LRP2: variants seen among roughly 807,000 people sequenced by gnomAD.
The protein encoded by LRP2 is LDL receptor related protein 2, also known as low-density lipoprotein receptor-related protein 2.
A neutral mutation model predicts 531.0 loss-of-function variants in LRP2; 172 were observed. The ratio of observed to expected loss-of-function variants is 0.32; its 90% CI spans 0.29 to 0.37. The LOEUF (loss-of-function observed/expected upper bound fraction) is 0.37. LRP2 is among the 10% of genes least tolerant of loss of function. The pLI is 1.00. For synonymous variants in LRP2, 1,992 were observed against 2,027.6 expected, an observed-to-expected ratio of 0.98 and a Z score of 0.47; for missense variants, 5,167 against 5,868.3, an observed-to-expected ratio of 0.88 and a Z score of 3.90.
At chr2:169,168,450 T>G in intron 61 of LRP2, 89 bp downstream of exon 61, 2 of 1,511,280 alleles carry the variant, frequency 1.3e-6, no homozygotes, top group Non-Finnish European at 1.8e-6. Flanking sequence ...ATTGTACAAC[T>G]GCTCTCCAGG....
intron 28 of LRP2, 137 bp from the exon 29 acceptor site, chr2:169,236,205 T>C: frequency 1.3e-6 from 1 of 744,202 alleles, no homozygotes; most frequent in Non-Finnish European, 2.3e-6. Flanking sequence ...ATTCACAGAG[T>C]TTATTGTTTC....
chr2:169,220,337 A>G, intron 34 of LRP2, 117 bp downstream of exon 34: 1 of 764,344 alleles, frequency 1.3e-6, no homozygotes, highest in Non-Finnish European at 2.3e-6. Context: ...TTATTTTTCA[A>G]ATGTTGACAT....
chr2:169,308,183 G>C (rs2673169), intron 3 of LRP2, among the ~76,000 whole-genome samples: 47,408 of 151,756 alleles, frequency 0.31, 8,225 homozygotes, highest in African/African-American at 0.47. Context: ...AAAAAGATTT[G>C]CTCTCAATTT....
chr2:169,232,612 T>C (rs1689450311), intron 30 of LRP2, among the ~76,000 whole-genome samples: 1 of 152,118 alleles, frequency 6.6e-6, no homozygotes, highest in Non-Finnish European at 1.5e-5. Flanking sequence ...GTGGCTATTT[T>C]AGGTAGAGCG....
intron 76 of LRP2, among the ~76,000 whole-genome samples, chr2:169,132,993 G>C (rs536318105): frequency 6.6e-6 from 1 of 152,212 alleles, no homozygotes; most frequent in South Asian, 2.1e-4. Flanking sequence ...TACTCCCACT[G>C]TTGACCAAAT....
At chr2:169,356,452 G>A (rs534915549) in intron 1 of LRP2, among the ~76,000 whole-genome samples, 13 of 152,310 alleles carry the variant, frequency 8.5e-5, no homozygotes, top group Non-Finnish European at 1.3e-4. Context: ...ATCTATATGA[G>A]ACTTCACAGT....
intron 12 of LRP2, 62 bp from the exon 13 acceptor site, chr2:169,278,013 T>C (rs779673210): frequency 3.7e-6 from 5 of 1,366,138 alleles, no homozygotes; most frequent in Non-Finnish European, 5.2e-6. Flanking sequence ...TGGGAATTTT[T>C]TTTAACAGTG....
chr2:169,316,879 G>A lies in LRP2; in HGVS notation c.310+1883C>T, dbSNP rs932497646. ...ACCAAAGCAGCTCAAAAGAGAGCCA[G>A]GACTGCTGGGAGTCATGGCAGCCAA... On this transcript the variant is annotated intron_variant, in intron 3 of 78. Coordinates refer to ENST00000649046, the MANE Select transcript of LRP2 (RefSeq NM_004525.3). Among the ~76,000 whole-genome samples the A allele has an allele frequency of 1.9e-4, 29 of 152,234 alleles. 1 individual carries two copies. Among genetic ancestry groups the A allele is most frequent in the South Asian group, 1.2e-3 (6 of 4,828 alleles).
intron 33 of LRP2, among the ~76,000 whole-genome samples, chr2:169,224,209 G>A (rs1689119621): frequency 6.6e-6 from 1 of 152,210 alleles, no homozygotes; most frequent in Admixed American, 6.5e-5. Flanking sequence ...AAACCGTCTT[G>A]CCAGCTGGTG....
At chr2:169,318,953 T>C (rs1191033785) in intron 2 of LRP2, 69 bp from the exon 3 acceptor site, 2 of 1,588,938 alleles carry the variant, frequency 1.3e-6, no homozygotes, top group Non-Finnish European at 1.7e-6. Context: ...GCAATGCTTG[T>C]TCCAGAAGAG....
chr2:169,293,622 C>T (rs1684058594), intron 6 of LRP2, among the ~76,000 whole-genome samples: 2 of 152,140 alleles, frequency 1.3e-5, no homozygotes, highest in Non-Finnish European at 2.9e-5. Flanking sequence ...TGGCAGTAAG[C>T]CGAGATCGCG....
chr2:169,221,979 A>G (rs1211997016), intron 33 of LRP2, among the ~76,000 whole-genome samples: 1 of 152,188 alleles, frequency 6.6e-6, no homozygotes, highest in Non-Finnish European at 1.5e-5. Context: ...GGATGGGAAC[A>G]CAGCTACCCC....
chr2:169,328,353 A>AC (rs1685172520), intron 1 of LRP2, among the ~76,000 whole-genome samples: 1 of 117,102 alleles, frequency 8.5e-6, no homozygotes, highest in Non-Finnish European at 1.7e-5. Flanking sequence ...CTGCCCGGCC[A>AC]CCCCTACTAG....
intron 63 of LRP2, among the ~76,000 whole-genome samples, chr2:169,160,564 T>A (rs1407096186): frequency 2.6e-5 from 4 of 151,818 alleles, no homozygotes; most frequent in African/African-American, 9.7e-5. Flanking sequence ...AAAAAAGAAT[T>A]CTATGCCTCA....
chr2:169,292,255 C>T lies in LRP2; in HGVS notation c.767G>A (p.Cys256Tyr). 6.2e-7 allele frequency: 1 copy of T among 1,600,894 alleles called. No individual in the cohort carries two copies. Among genetic ancestry groups the T allele is most frequent in the Non-Finnish European group, 8.6e-7 (1 of 1,167,890 alleles). ...TAGGAATCTCTTCCCCTCCTTACCA[C>T]ATCCATCTTCATCTCCATTATCTTT... ...DCKDNGDEDG[C>Y]ESGPHDVHKC... Residue 256 changes from cysteine to tyrosine, a missense_variant and splice_region_variant, in exon 7 of 79, where the codon TGT becomes TAT. This residue lies in a region of LRP2 where 2,811 missense variants were observed against 3,058.0 expected (regional missense o/e 0.92). Transcript: ENST00000649046.
At chr2:169,215,615 C>T (rs1349273168) in intron 35 of LRP2, among the ~76,000 whole-genome samples, 1 of 151,068 alleles carries the variant, frequency 6.6e-6, no homozygotes, top group Non-Finnish European at 1.5e-5. Flanking sequence ...CATACACACA[C>T]ACATAGGTAG....
At chr2:169,246,343 G>A (rs977803279) in intron 21 of LRP2, among the ~76,000 whole-genome samples, 1 of 152,114 alleles carries the variant, frequency 6.6e-6, no homozygotes, top group African/African-American at 2.4e-5. Flanking sequence ...CTGGACTTAA[G>A]CAATCCTCCT....
At chr2:169,319,159 T>G (rs554062557) in intron 2 of LRP2, among the ~76,000 whole-genome samples, 2 of 152,320 alleles carry the variant, frequency 1.3e-5, no homozygotes, top group East Asian at 3.9e-4. Context: ...AAAATTATGA[T>G]AAAGGTATTA....
chr2:169,240,754 A>G (rs1689774585), intron 25 of LRP2: 1 of 588,032 alleles, frequency 1.7e-6, no homozygotes, highest in Non-Finnish European at 3.0e-6. Flanking sequence ...TTTTTGAAAC[A>G]AAGACATAAA....
Sources: allele counts gnomAD v4.1 joint callset (sites outside exome capture counted in the v4.1 genomes callset), GRCh38; gene constraint gnomAD v4.1.1; regional missense constraint gnomAD v4.1.1; transcripts MANE v1.5; gene names NCBI Gene and HGNC (gene_info 2026-07-23, HGNC 2026-07-21).